ADCY1: variants seen among roughly 807,000 people sequenced by gnomAD.
The protein encoded by ADCY1 is adenylate cyclase 1, also known as adenylate cyclase type 1.
In ADCY1, 28 loss-of-function variants were observed where a neutral mutation model predicts 105.4. The ratio of observed to expected loss-of-function variants is 0.27; its 90% CI spans 0.20 to 0.36. The LOEUF (loss-of-function observed/expected upper bound fraction) is 0.36. Among genes scored for constraint, ADCY1 ranks in the 10% least tolerant of loss-of-function variants. The pLI, the probability that ADCY1 is intolerant of heterozygous loss-of-function variation, is 1.00. For missense variants in ADCY1, 977 were observed against 1,434.2 expected, an observed-to-expected ratio of 0.68 and a Z score of 5.15; for synonymous variants, 655 against 623.8, an observed-to-expected ratio of 1.05 and a Z score of -0.75.
At chr7:45,576,275 GGCCCCGGGGGACCA>G (rs923844458) in intron 1 of ADCY1, among the ~76,000 whole-genome samples, 3 of 152,102 alleles carry the variant, frequency 2.0e-5, no homozygotes, top group Admixed American at 2.0e-4. Flanking sequence ...CCCACAGCCC[GGCCCCGGGGGACCA>G]GCACCCAAGG....
Position 45,714,035 on chromosome 7 carries a change from A to G in ADCY1, c.*40A>G. On this transcript the variant is annotated 3_prime_UTR_variant, in exon 20 of 20. Transcript: ENST00000297323. Reference sequence around the variant, plus strand: ...GCCTCTGGGGTGCACATGGGGTGGGAATGCTCCGGGGGTGACACAGGCCAC... The same window carrying G: ...GCCTCTGGGGTGCACATGGGGTGGGGATGCTCCGGGGGTGACACAGGCCAC... 1 of 737,410 alleles carries G rather than the reference A, an allele frequency of 1.4e-6. No homozygotes were observed. Among genetic ancestry groups the G allele is most frequent in the East Asian group, 2.5e-5 (1 of 40,390 alleles). 45.7% of individuals were successfully genotyped at this position (737,410 alleles called of 1,614,324 possible).
intron 6 of ADCY1, among the ~76,000 whole-genome samples, chr7:45,658,716 A>G (rs1562711092): frequency 6.6e-6 from 1 of 152,236 alleles, no homozygotes; most frequent in Non-Finnish European, 1.5e-5. Flanking sequence ...ACAGGAATGC[A>G]CAGACACTTG....
chr7:45,574,896 A>G lies in ADCY1; in HGVS notation c.353A>G (p.Gln118Arg), dbSNP rs1257454333. ...AACGTCCGGTCCCTGCAGGTGCCCC[A>G]GCTGCAGCAGGTCGGCCAGCTGGCG... Reference protein sequence around the residue: ...VTNVRSLQVPQLQQVGQLALL... With the variant: ...VTNVRSLQVPRLQQVGQLALL... The change falls in exon 1 of 20, where the codon CAG (glutamine) becomes CGG (arginine). Residue 118 changes from glutamine (Q) to arginine (R), a missense_variant. This residue lies in a region of ADCY1 where 209 missense variants were observed against 222.5 expected (regional missense o/e 0.94). Coordinates refer to ENST00000297323, the MANE Select transcript of ADCY1 (RefSeq NM_021116.4). The surrounding 1 kb of genome is among the most constrained non-coding windows in gnomAD (Gnocchi z 7.0). The G allele has an allele frequency of 2.5e-6, 4 of 1,611,858 alleles. No individual in the cohort carries two copies. The highest frequency in any genetic ancestry group is 3.4e-6 in the Non-Finnish European group (4 of 1,179,662).
At chr7:45,595,077 G>A (rs757859346) in intron 2 of ADCY1, among the ~76,000 whole-genome samples, 3 of 152,070 alleles carry the variant, frequency 2.0e-5, no homozygotes, top group African/African-American at 7.2e-5. Flanking sequence ...TTTTCTTCAC[G>A]CACATGAAGT....
chr7:45,580,030 C>A (rs1484082637), intron 1 of ADCY1, among the ~76,000 whole-genome samples: 1 of 151,922 alleles, frequency 6.6e-6, no homozygotes, highest in Non-Finnish European at 1.5e-5. Context: ...CCCTTCACCC[C>A]CAGGCTTATC....
At chr7:45,664,210 G>A (rs1795206298) in intron 8 of ADCY1, 3 of 1,326,104 alleles carry the variant, frequency 2.3e-6, no homozygotes, top group Admixed American at 4.0e-5. Flanking sequence ...GGGCCTAGGA[G>A]AAGTTTCAGA....
chr7:45,651,109 G>A (rs1794797441), intron 5 of ADCY1, among the ~76,000 whole-genome samples: 1 of 151,998 alleles, frequency 6.6e-6, no homozygotes, highest in South Asian at 2.1e-4. Context: ...TGTCTGCTTG[G>A]GCTCCTGATT....
chr7:45,577,715 T>C (rs1012407379), intron 1 of ADCY1, among the ~76,000 whole-genome samples: 2 of 152,126 alleles, frequency 1.3e-5, no homozygotes, highest in Non-Finnish European at 2.9e-5. Context: ...TTGCAGGGGA[T>C]TTCCCTCACT....
At chr7:45,582,880 C>T (rs1409354904) in intron 1 of ADCY1, among the ~76,000 whole-genome samples, 1 of 152,204 alleles carries the variant, frequency 6.6e-6, no homozygotes, top group East Asian at 1.9e-4. Context: ...GAGCCCACCG[C>T]AGCAGCCTAG....
intron 4 of ADCY1, among the ~76,000 whole-genome samples, chr7:45,645,317 T>A (rs1794630786): frequency 6.6e-6 from 1 of 152,140 alleles, no homozygotes; most frequent in African/African-American, 2.4e-5. Flanking sequence ...TATGCCTCCT[T>A]TTACATAGGA....
At chr7:45,665,289 T>G (rs1784205800) in intron 8 of ADCY1, among the ~76,000 whole-genome samples, 1 of 152,208 alleles carries the variant, frequency 6.6e-6, no homozygotes, top group East Asian at 1.9e-4. Flanking sequence ...TCTCTGATGG[T>G]TTTGTGTAAT....
At position 45,717,638 on chromosome 7, in the gene ADCY1, C is replaced by A. The variant is rs1785383029; in HGVS notation, c.*3643C>A. The A allele has an allele frequency of 6.6e-6, 1 of 152,286 alleles. No homozygotes were observed. Among genetic ancestry groups the A allele is most frequent in the Non-Finnish European group, 1.5e-5 (1 of 68,086 alleles). The allele number at this position is 152,286 out of a possible 1,614,324, so 9.4% of individuals were successfully genotyped here. ...ATGCTGTGGCCCTTTGGAAATGACC[C>A]TGTGTGCTCCCCTCGCGACCCTTGC... On this transcript the variant is annotated 3_prime_UTR_variant, in exon 20 of 20. Transcript: ENST00000297323.
At chr7:45,605,263 C>T (rs1562683908) in intron 2 of ADCY1, among the ~76,000 whole-genome samples, 1 of 152,094 alleles carries the variant, frequency 6.6e-6, no homozygotes, top group Non-Finnish European at 1.5e-5. Context: ...CATTGTATTT[C>T]CCATGTAGAC....
intron 4 of ADCY1, among the ~76,000 whole-genome samples, chr7:45,642,065 C>T (rs554022076): frequency 4.8e-4 from 73 of 152,092 alleles, no homozygotes; most frequent in Non-Finnish European, 8.2e-4. Flanking sequence ...CAGACAGTCC[C>T]GTGCCATTGA....
intron 8 of ADCY1, among the ~76,000 whole-genome samples, chr7:45,664,941 C>T (rs767304853): frequency 2.0e-5 from 3 of 152,068 alleles, no homozygotes; most frequent in African/African-American, 7.2e-5. Context: ...TCCTCCCACC[C>T]GCTGACAGGC....
intron 4 of ADCY1, among the ~76,000 whole-genome samples, chr7:45,646,091 C>A (rs117528555): frequency 5.7e-4 from 86 of 152,060 alleles, no homozygotes; most frequent in Non-Finnish European, 9.9e-4. Context: ...TGTGTCTGAC[C>A]GTTGGGGACA....
At chr7:45,610,830 G>GGGGTGATGA (rs1584268400) in intron 3 of ADCY1, among the ~76,000 whole-genome samples, 4 of 98,760 alleles carry the variant, frequency 4.1e-5, no homozygotes, top group East Asian at 3.6e-4. Flanking sequence ...GGAGGTGATA[G>GGGGTGATGA]TGGAGGTGTG....
rs77434231 is a variant in ADCY1 at position 45,704,822 on chromosome 7, T to G, written c.2817+206T>G. On this transcript the variant is annotated intron_variant, in intron 17 of 19. Coordinates refer to ENST00000297323, the MANE Select transcript of ADCY1 (RefSeq NM_021116.4). ...AGTCAGCACAGAAGGCACCGGAGCT[T>G]CCTCCAGCCCCAGCCCTGCCCTGCT... Among the ~76,000 whole-genome samples the G allele has an allele frequency of 0.014, 2,105 of 152,064 alleles. 37 individuals are homozygous for G. Among genetic ancestry groups the G allele is most frequent in the African/African-American group, 0.047 (1,954 of 41,464 alleles).
chr7:45,704,877 CCCCTGCTCCATTA>C (rs967939607), intron 17 of ADCY1, among the ~76,000 whole-genome samples: 2 of 151,986 alleles, frequency 1.3e-5, no homozygotes, highest in African/African-American at 4.8e-5. Flanking sequence ...CCTCACCCTG[CCCCTGCTCCATTA>C]CCTCCCGCAC....
Sources: allele counts gnomAD v4.1 joint callset (sites outside exome capture counted in the v4.1 genomes callset), GRCh38; gene constraint gnomAD v4.1.1; regional missense constraint gnomAD v4.1.1; non-coding constraint Gnocchi (gnomAD v3.1); transcripts MANE v1.5; gene names NCBI Gene and HGNC (gene_info 2026-07-23, HGNC 2026-07-21).